The following EYA1 variants were observed in gnomAD, a reference collection of about 807,000 sequenced individuals.
EYA1 encodes the protein EYA transcriptional coactivator and phosphatase 1.
A neutral mutation model predicts 82.0 loss-of-function variants in EYA1; 16 were observed. The ratio of observed to expected loss-of-function variants is 0.20; its 90% CI spans 0.13 to 0.30. EYA1 has a LOEUF of 0.30. EYA1 is among the 10% of genes least tolerant of loss of function. EYA1 has a pLI of 1.00. For synonymous variants in EYA1, 261 were observed against 264.4 expected (o/e 0.99, Z 0.12); for missense variants, 633 against 730.7 (o/e 0.87, Z 1.54).
intron 2 of EYA1, chr8:71,530,917 A>T (rs1758082100): frequency 6.6e-6 from 1 of 152,194 alleles, no homozygotes; most frequent in Non-Finnish European, 1.5e-5. Flanking sequence ...GTCCACAAAG[A>T]TCTAGAATAT....
At chr8:71,431,384 C>T (rs1281710108) in intron 2 of EYA1, among the ~76,000 whole-genome samples, 1 of 152,160 alleles carries the variant, frequency 6.6e-6, no homozygotes, top group Non-Finnish European at 1.5e-5. Flanking sequence ...TTTGCCACCG[C>T]TCCAGTCTGG....
chr8:71,408,133 G>A (rs556700691), intron 2 of EYA1, among the ~76,000 whole-genome samples: 107 of 152,058 alleles, frequency 7.0e-4, no homozygotes, highest in African/African-American at 2.5e-3. Flanking sequence ...AGCTTCATAA[G>A]TGAAGGAGAA....
chr8:71,321,925 G>A (rs1822604627), intron 5 of EYA1, 46 bp from the exon 6 acceptor site: 1 of 1,611,776 alleles, frequency 6.2e-7, no homozygotes. Context: ...TGCATTAGAT[G>A]GAAACATGCA....
chr8:71,398,607 A>T (rs966384312), intron 2 of EYA1, among the ~76,000 whole-genome samples: 1 of 152,226 alleles, frequency 6.6e-6, no homozygotes, highest in Non-Finnish European at 1.5e-5. Context: ...GCTGAAGAAC[A>T]GCAAATATTG....
At chr8:71,469,177 T>C (rs79110078) in intron 2 of EYA1, among the ~76,000 whole-genome samples, 14,514 of 150,588 alleles carry the variant, frequency 0.096, 1,478 homozygotes, top group East Asian at 0.47. Context: ...AAAAAAAAAA[T>C]CTGTCCTCAA....
Position 71,394,405 on chromosome 8 carries a change from T to C in EYA1, c.34-37894A>G, listed in dbSNP as rs191015266. 3.9e-5 allele frequency among the ~76,000 whole-genome samples: 6 copies of C among 152,352 alleles called. No homozygotes were observed. The East Asian group carries it at 1.2e-3, about 29-fold the overall frequency. The stretch of plus-strand genomic sequence containing the variant: ...GAATGGTATTGCCTCGGTTTTCTTC[T>C]AGGGTTGTTATGGCTTTAGGTCTAA... On this transcript the variant is annotated intron_variant, in intron 2 of 18. Coordinates refer to the EYA1 transcript ENST00000643681.
intron 4 of EYA1, among the ~76,000 whole-genome samples, chr8:71,333,194 G>A (rs923375585): frequency 1.3e-5 from 2 of 152,118 alleles, no homozygotes; most frequent in Non-Finnish European, 2.9e-5. Flanking sequence ...AAGAACAAAT[G>A]GATATTACAC....
chr8:71,338,452 C>T lies in EYA1; in HGVS notation c.125-4278G>A, dbSNP rs556098117. ...AGGCTGGCCCATAAAAATGAGAAAACCATCTTCCTTCGTCATAAATTTCAG... is the reference window on the plus strand; with the variant it reads ...AGGCTGGCCCATAAAAATGAGAAAATCATCTTCCTTCGTCATAAATTTCAG... On this transcript the variant is annotated intron_variant, in intron 3 of 17. Transcript: ENST00000340726. Among the ~76,000 whole-genome samples the T allele has an allele frequency of 3.3e-5, 5 of 152,248 alleles. No homozygotes were observed. In the South Asian group the frequency reaches 1.0e-3, roughly 32 times the overall value.
chr8:71,434,142 G>A lies in EYA1; in HGVS notation c.34-77631C>T, dbSNP rs185018800. 7.2e-5 allele frequency among the ~76,000 whole-genome samples: 11 copies of A among 152,304 alleles called. 1 individual carries two copies. Among genetic ancestry groups the A allele is most frequent in the African/African-American group, 2.6e-4 (11 of 41,562 alleles). Reference sequence around the variant, plus strand: ...TTTGCCTAATCATCTGAAGGATGAAGTTATTACTAAAGGTATATTTAAATA... The same window carrying A: ...TTTGCCTAATCATCTGAAGGATGAAATTATTACTAAAGGTATATTTAAATA... On this transcript the variant is annotated intron_variant, in intron 2 of 18. Coordinates refer to the EYA1 transcript ENST00000643681.
chr8:71,542,686 T>C (rs1032334223), intron 1 of EYA1, among the ~76,000 whole-genome samples: 1 of 152,206 alleles, frequency 6.6e-6, no homozygotes, highest in Non-Finnish European at 1.5e-5. Context: ...ACCTACAGAG[T>C]ATAAGCATTC....
intron 4 of EYA1, among the ~76,000 whole-genome samples, chr8:71,324,869 TC>T (rs150173318): frequency 0.023 from 3,562 of 152,208 alleles, 133 homozygotes; most frequent in African/African-American, 0.081. Flanking sequence ...ACTCTCAGGA[TC>T]CCTGTCCTGG....
At chr8:71,283,529 CTTT>C (rs3086593) in intron 9 of EYA1, among the ~76,000 whole-genome samples, 13 of 147,512 alleles carry the variant, frequency 8.8e-5, no homozygotes, top group East Asian at 7.8e-4. Context: ...GCTCGTTAAA[CTTT>C]TTTTTTTTTT....
chr8:71,270,899 C>G (rs1816445035), intron 10 of EYA1, among the ~76,000 whole-genome samples: 1 of 152,010 alleles, frequency 6.6e-6, no homozygotes, highest in Non-Finnish European at 1.5e-5. Context: ...GTGGGTGGAC[C>G]ATGAGGTCAG....
intron 12 of EYA1, among the ~76,000 whole-genome samples, chr8:71,221,059 A>G (rs565993871): frequency 1.4e-4 from 22 of 152,372 alleles, no homozygotes; most frequent in African/African-American, 4.8e-4. Context: ...CCAAATGAAC[A>G]TCGTCCTACA....
chr8:71,294,331 C>A lies in EYA1; in HGVS notation c.826+4716G>T, dbSNP rs572675568. Among the ~76,000 whole-genome samples the A allele has an allele frequency of 2.4e-3, 365 of 152,036 alleles. 1 individual carries two copies. The highest frequency in any genetic ancestry group is 8.5e-3 in the African/African-American group (354 of 41,468). The stretch of plus-strand genomic sequence containing the variant: ...AAAATTAGCCGGGCGTGGTAGCGGG[C>A]GCCTGTAGTCCCAGCTACTCGGGAG... On this transcript the variant is annotated intron_variant, in intron 9 of 17. Coordinates refer to ENST00000340726, the MANE Select transcript of EYA1 (RefSeq NM_000503.6).
intron 2 of EYA1, among the ~76,000 whole-genome samples, chr8:71,509,526 G>A (rs1338920810): frequency 1.3e-5 from 2 of 152,090 alleles, no homozygotes; most frequent in Non-Finnish European, 2.9e-5. Context: ...AAGGGAATTT[G>A]GAATCTTTTA....
intron 2 of EYA1, among the ~76,000 whole-genome samples, chr8:71,475,165 T>C (rs1809555503): frequency 6.6e-6 from 1 of 152,154 alleles, no homozygotes; most frequent in Non-Finnish European, 1.5e-5. Context: ...ATGGAGTAGA[T>C]ATTCATGTGT....
At position 71,201,386 on chromosome 8, in the gene EYA1, A is replaced by T. The variant is rs149144147; in HGVS notation, c.1699-1966T>A. ...CCTACCTGTTCTCTGTAGGCTTTTT[A>T]TTCAGCTGTGTAAATTATCAGCACC... On this transcript the variant is annotated intron_variant, in intron 17 of 17. Transcript: ENST00000340726. 4.0e-4 allele frequency among the ~76,000 whole-genome samples: 61 copies of T among 152,092 alleles called. No individual in the cohort carries two copies. In the East Asian group the frequency reaches 9.9e-3, roughly 25 times the overall value.
At chr8:71,480,877 AG>A (rs1475930449) in intron 2 of EYA1, among the ~76,000 whole-genome samples, 1 of 152,178 alleles carries the variant, frequency 6.6e-6, no homozygotes, top group Non-Finnish European at 1.5e-5. Context: ...TAACTTTAAA[AG>A]GTCTTAAAAA....
Sources: allele counts gnomAD v4.1 joint callset (sites outside exome capture counted in the v4.1 genomes callset), GRCh38; gene constraint gnomAD v4.1.1; transcripts MANE v1.5; gene names NCBI Gene and HGNC (gene_info 2026-07-23, HGNC 2026-07-21).